GALC: variants seen among roughly 807,000 people sequenced by gnomAD.
GALC encodes the protein galactocerebrosidase.
A neutral mutation model predicts 91.8 loss-of-function variants in GALC; 77 were observed. The observed-to-expected ratio is 0.84, with a 90% CI of 0.70 to 1.01. The LOEUF is 1.01. Among genes scored for constraint, GALC ranks in the 50% least tolerant of loss-of-function variants. The pLI, the probability that GALC is intolerant of heterozygous loss-of-function variation, is 0.00. For missense variants in GALC, 882 were observed against 855.9 expected (o/e 1.03, Z -0.38); for synonymous variants, 357 against 306.7 (o/e 1.16, Z -1.71).
At chr14:87,984,596 T>C in intron 4 of GALC, 63 bp from the exon 5 acceptor site, 1 of 1,576,926 alleles carries the variant, frequency 6.3e-7, no homozygotes, top group Non-Finnish European at 8.7e-7. Flanking sequence ...CTATTGAAAA[T>C]AAAACAAATT....
At position 87,978,692 on chromosome 14, in the gene GALC, G is replaced by A. The variant is rs189408297; in HGVS notation, c.622-2204C>T. ...GAAATGAACTTGTTCTGGTTGAAGT[G>A]AATGAAGGTCCAAAGACCCAGGCAC... On this transcript the variant is annotated intron_variant, in intron 6 of 16. Coordinates refer to ENST00000261304, the MANE Select transcript of GALC (RefSeq NM_000153.4). Among the ~76,000 whole-genome samples the A allele has an allele frequency of 4.7e-5, 7 of 150,518 alleles. No homozygotes were observed. In the East Asian group the frequency reaches 1.4e-3, roughly 29 times the overall value.
chr14:87,949,786 G>T, intron 12 of GALC, 59 bp downstream of exon 12: 1 of 816,658 alleles, frequency 1.2e-6, no homozygotes, highest in Non-Finnish European at 2.2e-6. Context: ...ACATTTCTGT[G>T]CCCTTTTACT....
intron 5 of GALC, among the ~76,000 whole-genome samples, chr14:87,984,147 A>C (rs537232372): frequency 3.2e-4 from 48 of 151,638 alleles, no homozygotes; most frequent in Admixed American, 8.5e-4. Context: ...AAAAAAAAAA[A>C]AAAAAACCCA....
intron 6 of GALC, chr14:87,980,565 T>A (rs968125430): frequency 1.2e-6 from 1 of 827,068 alleles, no homozygotes; most frequent in Non-Finnish European, 1.5e-6. Context: ...GGAGAGTTCC[T>A]ATCCATCCGT....
At position 87,934,025 on chromosome 14, in the gene GALC, T is replaced by G; in HGVS notation, c.*707A>C. On this transcript the variant is annotated 3_prime_UTR_variant, in exon 17 of 17. Coordinates refer to ENST00000261304, the MANE Select transcript of GALC (RefSeq NM_000153.4). Reference sequence around the variant, plus strand: ...CTGGAAAAACGTTCACAGAGAGTTATAGTGGTTACAAGACCAAAACTTGGA... The same window carrying G: ...CTGGAAAAACGTTCACAGAGAGTTAGAGTGGTTACAAGACCAAAACTTGGA... 6.5e-7 allele frequency: 1 copy of G among 1,534,300 alleles called. No homozygotes were observed. The highest frequency in any genetic ancestry group is 1.2e-5 in the South Asian group (1 of 84,002).
At chr14:87,949,004 A>G (rs1481254600) in intron 12 of GALC, among the ~76,000 whole-genome samples, 1 of 152,024 alleles carries the variant, frequency 6.6e-6, no homozygotes, top group Non-Finnish European at 1.5e-5. Context: ...ATATAAAGCT[A>G]AATAAGGCAA....
intron 10 of GALC, among the ~76,000 whole-genome samples, chr14:87,951,802 A>G (rs1486935030): frequency 6.6e-6 from 1 of 151,982 alleles, no homozygotes; most frequent in Non-Finnish European, 1.5e-5. Context: ...AAAACACAAC[A>G]TATCACAATT....
chr14:87,991,138 T>C (rs930941767), intron 1 of GALC, among the ~76,000 whole-genome samples: 1 of 152,198 alleles, frequency 6.6e-6, no homozygotes, highest in African/African-American at 2.4e-5. Flanking sequence ...AAGACACTCT[T>C]GGCAATCTTC....
chr14:87,956,546 A>T (rs1253411294), intron 10 of GALC, among the ~76,000 whole-genome samples: 1 of 151,296 alleles, frequency 6.6e-6, no homozygotes, highest in Non-Finnish European at 1.5e-5. Context: ...TACACCATAT[A>T]TATATACACG....
rs780540922 is a variant in GALC at position 87,963,474 on chromosome 14, G to A, written c.1071C>T (p.Tyr357=). 6.2e-7 allele frequency: 1 copy of A among 1,612,826 alleles called. No individual in the cohort carries two copies. Among genetic ancestry groups the A allele is most frequent in the South Asian group, 1.1e-5 (1 of 91,060 alleles). Residue 357 remains tyrosine (Y), a synonymous_variant, in exon 10 of 17, where the codon TAC becomes TAT. Coordinates refer to ENST00000261304, the MANE Select transcript of GALC (RefSeq NM_000153.4). ...TTQFTQPGWY[Y]LKTVGHLEKG... ...TCTCTAAATGGCCAACTGTCTTCAG[G>A]TAATACCAGCCAGGTTGAGTAAACT...
Position 87,963,466 on chromosome 14 carries a change from G to A in GALC, c.1079C>T (p.Thr360Ile), listed in dbSNP as rs1357100365. ...TCCTCCTTTCTCTAAATGGCCAACTGTCTTCAGGTAATACCAGCCAGGTTG... is the reference window on the plus strand; with the variant it reads ...TCCTCCTTTCTCTAAATGGCCAACTATCTTCAGGTAATACCAGCCAGGTTG... ...FTQPGWYYLK[T>I]VGHLEKGGSY... Residue 360 changes from threonine (T) to isoleucine (I), a missense_variant, in exon 10 of 17, where the codon ACA becomes ATA. By Grantham distance (89) the Thr-to-Ile change is moderately conservative. Transcript: ENST00000261304. The A allele has an allele frequency of 1.2e-6, 2 of 1,612,950 alleles. No individual in the cohort carries two copies. The highest frequency in any genetic ancestry group is 4.5e-5 in the East Asian group (2 of 44,828).
intron 4 of GALC, among the ~76,000 whole-genome samples, chr14:87,984,943 CTTGAG>C (rs1023965798): frequency 6.6e-6 from 1 of 151,768 alleles, no homozygotes; most frequent in Non-Finnish European, 1.5e-5. Context: ...CCAAACTACT[CTTGAG>C]TTATGTATAA....
rs2139937598 is a variant in GALC, at chr14:87,939,895, C to T, written c.1911+10G>A. 1 of 1,579,822 alleles carries T rather than the reference C, an allele frequency of 6.3e-7. No individual in the cohort carries two copies. The highest frequency in any genetic ancestry group is 8.7e-7 in the Non-Finnish European group (1 of 1,149,486). ...CATTTTACCTCCAGACTCCAATCAGCAATACTTACCTTAATAGTTAACGTG... is the reference window on the plus strand; with the variant it reads ...CATTTTACCTCCAGACTCCAATCAGTAATACTTACCTTAATAGTTAACGTG... On this transcript the variant is annotated intron_variant, in intron 16 of 16. Transcript: ENST00000261304.
chr14:87,954,644 G>A, intron 10 of GALC: 1 of 1,579,830 alleles, frequency 6.3e-7, no homozygotes, highest in Non-Finnish European at 8.7e-7. Flanking sequence ...CCACCTAGAG[G>A]ATAAATGTTC....
chr14:87,993,619 C>G, upstream of GALC: 1 of 693,898 alleles, frequency 1.4e-6, no homozygotes, highest in Non-Finnish European at 2.4e-6. Context: ...TGAGATGAGG[C>G]GAGAAGAGCA....
chr14:87,972,138 C>A (rs540409633), intron 7 of GALC, among the ~76,000 whole-genome samples: 4 of 150,216 alleles, frequency 2.7e-5, no homozygotes, highest in East Asian at 3.9e-4. Context: ...TCTAAATGAC[C>A]ATTAAAAAAT....
In GALC at chr14:87,933,607, A is replaced by G. The variant is rs1384927658; in HGVS notation, c.*1125T>C. 5.5e-6 allele frequency: 1 copy of G among 180,200 alleles called. No homozygotes were observed. The highest frequency in any genetic ancestry group is 2.3e-5 in the African/African-American group (1 of 42,596). The allele number at this position is 180,200 out of a possible 1,614,324, so 11.2% of individuals were successfully genotyped here. A position where few individuals can be genotyped will look rare whatever the true frequency, so the allele number is the denominator to read the frequency against. ...AGCTAAGCCTATGTTAGACTCTTAC[A>G]AATTCCTAAATAGTAGAATTAGTTC... On this transcript the variant is annotated 3_prime_UTR_variant, in exon 17 of 17. Coordinates refer to ENST00000261304, the MANE Select transcript of GALC (RefSeq NM_000153.4).
chr14:87,935,089 C>T (rs575846501), intron 16 of GALC, among the ~76,000 whole-genome samples: 2 of 152,154 alleles, frequency 1.3e-5, no homozygotes, highest in Admixed American at 6.6e-5. Context: ...CTACTTAAAT[C>T]GTTCCCAAAG....
chr14:87,982,001 A>C (rs979708242), intron 6 of GALC, among the ~76,000 whole-genome samples: 2 of 152,184 alleles, frequency 1.3e-5, no homozygotes, highest in Non-Finnish European at 2.9e-5. Flanking sequence ...GGGCTCACAA[A>C]GAATTACATA....
Sources: allele counts gnomAD v4.1 joint callset (sites outside exome capture counted in the v4.1 genomes callset), GRCh38; gene constraint gnomAD v4.1.1; transcripts MANE v1.5; gene names NCBI Gene and HGNC (gene_info 2026-07-23, HGNC 2026-07-21).